KHDRBS2: variants seen among roughly 807,000 people sequenced by gnomAD.
KHDRBS2 encodes KH domain-containing, RNA-binding, signal transduction-associated protein 2.
KHDRBS2 carries 26 observed loss-of-function variants against 44.3 expected under a neutral mutation model. The observed-to-expected ratio is 0.59, with a 90% CI of 0.43 to 0.81. KHDRBS2 has a LOEUF of 0.81. Ranked by LOEUF, KHDRBS2 falls within the 40% of genes least tolerant of loss-of-function variation. The probability of loss-of-function intolerance (pLI) is 0.00; values close to 1 mark genes in which losing one functional copy is unlikely to be tolerated. For missense variants in KHDRBS2, 476 were observed against 433.1 expected (o/e 1.10, Z -0.88); for synonymous variants, 194 against 151.1 (o/e 1.28, Z -2.08).
chr6:61,646,061 A>G, the KHDRBS2 span, among the ~76,000 whole-genome samples: 1 of 152,182 alleles, frequency 6.6e-6, no homozygotes, highest in Non-Finnish European at 1.5e-5. Flanking sequence ...TAAAATCAAG[A>G]TAACCTAATA....
rs1334356639 is a variant in KHDRBS2 at position 62,024,308 on chromosome 6, C to G, written c.336+23570G>C. On this transcript the variant is annotated intron_variant, in intron 3 of 8. Coordinates refer to ENST00000281156, the MANE Select transcript of KHDRBS2 (RefSeq NM_152688.4). ...AATGATAAAATGAATATGATTTAAT[C>G]ATTTATTCACACTATTTTTAAAACA... is the stretch of plus-strand genomic sequence containing the variant. 8.6e-5 allele frequency among the ~76,000 whole-genome samples: 13 copies of G among 151,408 alleles called. No individual in the cohort carries two copies. In the East Asian group the frequency reaches 2.5e-3, roughly 29 times the overall value.
the KHDRBS2 span, among the ~76,000 whole-genome samples, chr6:61,608,107 C>T: frequency 6.6e-6 from 1 of 152,058 alleles, no homozygotes; most frequent in Admixed American, 6.6e-5. Context: ...ATTTAAAGTC[C>T]ACATTGGAAG....
intron 3 of KHDRBS2, among the ~76,000 whole-genome samples, chr6:62,006,987 T>C (rs189727820): frequency 1.3e-5 from 2 of 152,112 alleles, no homozygotes; most frequent in Admixed American, 1.3e-4. Context: ...TGACAGGCAA[T>C]ATTAACCAAA....
At chr6:61,646,192 T>C in the KHDRBS2 span, among the ~76,000 whole-genome samples, 1 of 152,224 alleles carries the variant, frequency 6.6e-6, no homozygotes, top group African/African-American at 2.4e-5. Flanking sequence ...AAAACATTAA[T>C]ACTTCCACAT....
intron 1 of KHDRBS2, among the ~76,000 whole-genome samples, chr6:62,192,346 C>A (rs1824801256): frequency 6.6e-6 from 1 of 151,880 alleles, no homozygotes; most frequent in African/African-American, 2.4e-5. Flanking sequence ...TTACTGTTGC[C>A]AAAGATATCT....
intron 6 of KHDRBS2, among the ~76,000 whole-genome samples, chr6:61,885,190 T>C (rs574815015): frequency 5.3e-5 from 8 of 152,178 alleles, no homozygotes; most frequent in African/African-American, 1.9e-4. Context: ...ATTTTGATAA[T>C]ATTTTCTATA....
intron 2 of KHDRBS2, among the ~76,000 whole-genome samples, chr6:62,108,041 C>A (rs577066737): frequency 6.6e-6 from 1 of 152,144 alleles, no homozygotes; most frequent in Non-Finnish European, 1.5e-5. Context: ...TGGGCAAGGA[C>A]TTCATGTCTA....
In KHDRBS2 at chr6:62,091,053, C is replaced by T. The variant is rs1799405247; in HGVS notation, c.220-43059G>A. Among the ~76,000 whole-genome samples the T allele has an allele frequency of 3.9e-5, 6 of 152,100 alleles. No homozygotes were observed. In the South Asian group the frequency reaches 1.0e-3, roughly 26 times the overall value. The stretch of plus-strand genomic sequence containing the variant: ...GGGCCTGTCATACTGTTCATTGCAA[C>T]CTAGCTGTTGCTCTGCCATCTGGAA... On this transcript the variant is annotated intron_variant, in intron 2 of 8. Transcript: ENST00000281156.
At chr6:61,824,532 G>A (rs766359678) in intron 6 of KHDRBS2, among the ~76,000 whole-genome samples, 3 of 151,982 alleles carry the variant, frequency 2.0e-5, no homozygotes, top group Non-Finnish European at 2.9e-5. Flanking sequence ...ACCGAGTCTC[G>A]GGTAGTTCTT....
chr6:61,921,924 A>G (rs1240960392), intron 4 of KHDRBS2, among the ~76,000 whole-genome samples: 3 of 152,024 alleles, frequency 2.0e-5, no homozygotes, highest in Non-Finnish European at 2.9e-5. Context: ...TACGACTATC[A>G]ACAGAATATT....
chr6:62,097,554 T>C (rs1394877541), intron 2 of KHDRBS2, among the ~76,000 whole-genome samples: 1 of 151,910 alleles, frequency 6.6e-6, no homozygotes, highest in African/African-American at 2.4e-5. Context: ...AATCCAGCTC[T>C]TTTTCAGTTT....
rs774551671 is a variant in KHDRBS2 at position 62,285,942 on chromosome 6, C to T, written c.7G>A (p.Glu3Lys). 2 of 1,608,886 alleles carry T rather than the reference C, an allele frequency of 1.2e-6. No homozygotes were observed. Among genetic ancestry groups the T allele is most frequent in the South Asian group, 1.1e-5 (1 of 90,866 alleles). Reference protein sequence around the residue: MEEEKYLPELMAE... With the variant: MEKEKYLPELMAE... Reference sequence around the variant, plus strand: ...ATCAGCTCAGGCAAATATTTCTCCTCTTCCATAGCGCGGACTTCGGATTGT... The same window carrying T: ...ATCAGCTCAGGCAAATATTTCTCCTTTTCCATAGCGCGGACTTCGGATTGT... Residue 3 changes from glutamate (E) to lysine (K), a missense_variant, in exon 1 of 9, where the codon GAG (glutamate) becomes AAG (lysine). Transcript: ENST00000281156.
intron 6 of KHDRBS2, 29 bp from the exon 7 acceptor site, chr6:61,732,793 G>A (rs760917741): frequency 1.7e-6 from 2 of 1,156,592 alleles, no homozygotes; most frequent in Non-Finnish European, 2.6e-6. Context: ...AGAAACACCT[G>A]TTAGTCAATT....
chr6:61,592,020 T>C, the KHDRBS2 span, among the ~76,000 whole-genome samples: 1 of 151,780 alleles, frequency 6.6e-6, no homozygotes, highest in Non-Finnish European at 1.5e-5. Flanking sequence ...GAGACCCTCA[T>C]CTTTACAAAC....
At chr6:62,273,808 T>C (rs1840473451) in intron 1 of KHDRBS2, among the ~76,000 whole-genome samples, 1 of 152,170 alleles carries the variant, frequency 6.6e-6, no homozygotes, top group Admixed American at 6.5e-5. Flanking sequence ...TTAACCTTCT[T>C]TTAATAAATA....
intron 6 of KHDRBS2, among the ~76,000 whole-genome samples, chr6:61,860,815 A>G (rs993805535): frequency 1.1e-4 from 16 of 152,052 alleles, no homozygotes; most frequent in African/African-American, 3.6e-4. Flanking sequence ...CAATGGTTGA[A>G]CTAATTTACT....
the KHDRBS2 span, among the ~76,000 whole-genome samples, chr6:61,615,233 C>CAAAAAAAAAA: frequency 7.2e-4 from 42 of 58,352 alleles, no homozygotes; most frequent in African/African-American, 1.5e-3. Context: ...ACTCCATCTC[C>CAAAAAAAAAA]AAAAAAAAAA....
At chr6:61,749,910 T>C (rs1777413206) in intron 6 of KHDRBS2, among the ~76,000 whole-genome samples, 1 of 152,200 alleles carries the variant, frequency 6.6e-6, no homozygotes, top group Non-Finnish European at 1.5e-5. Context: ...ACTGTTATTT[T>C]AAAGAAGAAT....
rs1467334319 is a variant in KHDRBS2 at position 61,706,622 on chromosome 6, A to G, written c.894-9369T>C. ...TTTACCTAGACAATTGTGATCACAT[A>G]AAAATCATTACATAATTCAATAAGT... On this transcript the variant is annotated intron_variant, in intron 7 of 8. Coordinates refer to ENST00000281156, the MANE Select transcript of KHDRBS2 (RefSeq NM_152688.4). 1.3e-4 allele frequency among the ~76,000 whole-genome samples: 19 copies of G among 151,936 alleles called. No individual in the cohort carries two copies. In the East Asian group the frequency reaches 2.9e-3, roughly 23 times the overall value.
Sources: allele counts gnomAD v4.1 joint callset (sites outside exome capture counted in the v4.1 genomes callset), GRCh38; gene constraint gnomAD v4.1.1; transcripts MANE v1.5; gene names NCBI Gene and HGNC (gene_info 2026-07-23, HGNC 2026-07-21).